SPMIP6: variants seen among roughly 807,000 people sequenced by gnomAD.
SPMIP6 encodes the protein ciliated bronchial epithelial protein 1.
chr9:34,381,662 T>G, the SPMIP6 span: 1 of 1,417,042 alleles, frequency 7.1e-7, no homozygotes, highest in South Asian at 1.5e-5. This position sits in a 1 kb window ranked among gnomAD's most constrained non-coding sequence, Gnocchi z 4.4. Context: ...TGAAGGTGGA[T>G]GGGGTTTGGC....
At chr9:34,382,031 C>G in the SPMIP6 span, among the ~76,000 whole-genome samples, 1 of 152,198 alleles carries the variant, frequency 6.6e-6, no homozygotes. Flanking sequence ...TCTGTGCTCA[C>G]ATCACAAAGG....
chr9:34,391,290 G>C, the SPMIP6 span, among the ~76,000 whole-genome samples: 2 of 151,972 alleles, frequency 1.3e-5, no homozygotes, highest in Non-Finnish European at 2.9e-5. Flanking sequence ...TTATTTGTCT[G>C]TGCCTTGTTT....
At chr9:34,381,073 C>A in the SPMIP6 span, 1 of 1,611,344 alleles carries the variant, frequency 6.2e-7, no homozygotes, top group Middle Eastern at 1.7e-4. The surrounding 1 kb of genome is among the most constrained non-coding windows in gnomAD (Gnocchi z 4.4). Context: ...GGGGCGTGAT[C>A]CGCGGCAGCT....
chr9:34,387,030 AT>A, the SPMIP6 span, among the ~76,000 whole-genome samples: 2,632 of 140,142 alleles, frequency 0.019, 47 homozygotes, highest in African/African-American at 0.056. Flanking sequence ...GATCCTTATG[AT>A]TTTTTTTTTT....
chr9:34,379,832 C>G, the SPMIP6 span: 1 of 879,400 alleles, frequency 1.1e-6, no homozygotes, highest in Non-Finnish European at 1.8e-6. The surrounding 1 kb of genome is among the most constrained non-coding windows in gnomAD (Gnocchi z 4.2). Flanking sequence ...GGTGTCCGTC[C>G]CAAGGCTCGG....
the SPMIP6 span, among the ~76,000 whole-genome samples, chr9:34,385,099 GT>G: frequency 1.3e-5 from 2 of 151,398 alleles, no homozygotes; most frequent in African/African-American, 2.4e-5. Flanking sequence ...GCCCTTCCAG[GT>G]TTTTTTTTCC....
chr9:34,380,752 A>G, the SPMIP6 span: 1 of 1,547,554 alleles, frequency 6.5e-7, no homozygotes, highest in Admixed American at 2.0e-5. Context: ...AGGGCGGGAC[A>G]CGGCAGGGCC....
the SPMIP6 span, chr9:34,381,384 G>A: frequency 1.9e-6 from 3 of 1,613,976 alleles, no homozygotes; most frequent in Non-Finnish European, 2.5e-6. This position sits in a 1 kb window ranked among gnomAD's most constrained non-coding sequence, Gnocchi z 4.4. Context: ...GCATTGAGCC[G>A]CTCCGGCCTA....
At chr9:34,381,116 A>G in the SPMIP6 span, 26 of 1,598,494 alleles carry the variant, frequency 1.6e-5, no homozygotes, top group South Asian at 2.3e-4. This position sits in a 1 kb window ranked among gnomAD's most constrained non-coding sequence, Gnocchi z 4.4. Context: ...CAGCATGTTC[A>G]CCATCACTTC....
the SPMIP6 span, among the ~76,000 whole-genome samples, chr9:34,388,120 G>A: frequency 6.7e-6 from 1 of 149,578 alleles, no homozygotes; most frequent in Admixed American, 6.8e-5. Context: ...AAATAGAAGG[G>A]GTGATTAGTG....
chr9:34,383,019 C>A, the SPMIP6 span: 1 of 640,940 alleles, frequency 1.6e-6, no homozygotes. Context: ...CCAGCCGGGC[C>A]TACACTTGTC....
the SPMIP6 span, chr9:34,382,524 G>A: frequency 1.9e-6 from 1 of 529,150 alleles, no homozygotes; most frequent in Non-Finnish European, 3.4e-6. Context: ...GGCAGAGGTT[G>A]CAGTGAGCCA....
At chr9:34,380,970 C>T in the SPMIP6 span, 1 of 1,607,694 alleles carries the variant, frequency 6.2e-7, no homozygotes, top group Non-Finnish European at 8.5e-7. Context: ...GCGTAGTAGT[C>T]CATCCCGCGC....
At chr9:34,379,218 A>C in the SPMIP6 span, 4 of 1,258,396 alleles carry the variant, frequency 3.2e-6, no homozygotes, top group Non-Finnish European at 4.7e-6. The surrounding 1 kb of genome is among the most constrained non-coding windows in gnomAD (Gnocchi z 4.2). Flanking sequence ...TTGGATCCTC[A>C]TATGTCAAAG....
At chr9:34,389,857 C>T in the SPMIP6 span, 2 of 151,534 alleles carry the variant, frequency 1.3e-5, no homozygotes, top group African/African-American at 4.8e-5. Flanking sequence ...AATTATGCTT[C>T]CTAAATATTT....
chr9:34,381,645 G>T, the SPMIP6 span: 1 of 1,425,324 alleles, frequency 7.0e-7, no homozygotes. The surrounding 1 kb of genome is among the most constrained non-coding windows in gnomAD (Gnocchi z 4.4). Flanking sequence ...GGTGGGGTAG[G>T]AAGGGCTGAA....
the SPMIP6 span, chr9:34,379,651 G>T: frequency 7.4e-6 from 12 of 1,613,990 alleles, no homozygotes; most frequent in Non-Finnish European, 9.3e-6. This position sits in a 1 kb window ranked among gnomAD's most constrained non-coding sequence, Gnocchi z 4.2. Context: ...CTTACCTAAG[G>T]TTCGGATATG....
the SPMIP6 span, chr9:34,385,702 G>C: frequency 8.0e-5 from 129 of 1,613,748 alleles, no homozygotes; most frequent in Non-Finnish European, 1.1e-4. Flanking sequence ...CCCCCTATAA[G>C]TGTAGTCCTG....
the SPMIP6 span, among the ~76,000 whole-genome samples, chr9:34,386,888 C>T: frequency 8.3e-3 from 1,261 of 152,338 alleles, 20 homozygotes; most frequent in African/African-American, 0.028. Context: ...TGTAGACCCA[C>T]AGGTATCTGC....
Sources: allele counts gnomAD v4.1 joint callset (sites outside exome capture counted in the v4.1 genomes callset), GRCh38; gene constraint gnomAD v4.1.1; non-coding constraint Gnocchi (gnomAD v3.1); transcripts MANE v1.5; gene names NCBI Gene and HGNC (gene_info 2026-07-23, HGNC 2026-07-21).